Variants in AK8 observed in about 807,000 individuals in gnomAD.
The protein encoded by AK8 is adenylate kinase 8.
AK8 carries 44 observed loss-of-function variants against 54.6 expected under a neutral mutation model. That is an observed-to-expected ratio of 0.81 (90% CI 0.63 to 1.04). The LOEUF is 1.04. Ranked by LOEUF, AK8 falls within the 50% of genes least tolerant of loss-of-function variation. AK8 has a pLI of 0.00. For synonymous variants in AK8, 239 were observed against 245.6 expected, an observed-to-expected ratio of 0.97 and a Z score of 0.25; for missense variants, 555 against 613.6, an observed-to-expected ratio of 0.90 and a Z score of 1.01.
At chr9:132,869,968 C>T (rs1843746482) in intron 2 of AK8, among the ~76,000 whole-genome samples, 2 of 152,042 alleles carry the variant, frequency 1.3e-5, no homozygotes, top group Non-Finnish European at 2.9e-5. Context: ...CTCTCCAGGG[C>T]TCTGACCACA....
chr9:132,812,487 C>T (rs1841065160), intron 10 of AK8, among the ~76,000 whole-genome samples: 1 of 6,062 alleles, frequency 1.6e-4, no homozygotes, highest in Non-Finnish European at 3.6e-4. Context: ...CATCCACCCG[C>T]CTCGGCCTTC....
chr9:132,774,739 G>T (rs183868031), intron 11 of AK8, among the ~76,000 whole-genome samples: 2 of 152,128 alleles, frequency 1.3e-5, no homozygotes, highest in Admixed American at 6.5e-5. Flanking sequence ...CAACTACCCC[G>T]GGCTCTGTTC....
At chr9:132,745,770 C>T (rs908552063) in intron 11 of AK8, among the ~76,000 whole-genome samples, 1 of 152,126 alleles carries the variant, frequency 6.6e-6, no homozygotes, top group Non-Finnish European at 1.5e-5. Context: ...GAGACAATCC[C>T]CAAGCTAAGG....
chr9:132,746,998 C>G (rs1412471462), intron 11 of AK8, among the ~76,000 whole-genome samples: 2 of 152,208 alleles, frequency 1.3e-5, no homozygotes, highest in Non-Finnish European at 2.9e-5. Flanking sequence ...ACAGTTGTTA[C>G]TTTATATCAT....
At chr9:132,817,384 GAA>G (rs1300564661) in intron 9 of AK8, among the ~76,000 whole-genome samples, 1 of 152,210 alleles carries the variant, frequency 6.6e-6, no homozygotes, top group Non-Finnish European at 1.5e-5. Context: ...TATGAGGAGA[GAA>G]AACAGGCCAG....
At chr9:132,777,242 T>C (rs949532488) in intron 11 of AK8, among the ~76,000 whole-genome samples, 1 of 152,134 alleles carries the variant, frequency 6.6e-6, no homozygotes, top group Non-Finnish European at 1.5e-5. Flanking sequence ...CCTCAAAATA[T>C]TAGGAATAAA....
chr9:132,779,075 A>G (rs7019036), intron 11 of AK8, among the ~76,000 whole-genome samples: 2,924 of 149,586 alleles, frequency 0.02, 89 homozygotes, highest in African/African-American at 0.071. Flanking sequence ...ATAGATAAGG[A>G]AAGCAAGCAG....
At chr9:132,740,128 C>T (rs568762129) in intron 11 of AK8, among the ~76,000 whole-genome samples, 11 of 152,336 alleles carry the variant, frequency 7.2e-5, no homozygotes, top group South Asian at 2.1e-4. Flanking sequence ...AGTTCTAGCA[C>T]GCCCCTGCCA....
intron 9 of AK8, among the ~76,000 whole-genome samples, chr9:132,817,051 G>A (rs1841365226): frequency 6.6e-6 from 1 of 152,204 alleles, no homozygotes; most frequent in Non-Finnish European, 1.5e-5. Flanking sequence ...TGAACTGAAT[G>A]GAAATTCACA....
intron 10 of AK8, among the ~76,000 whole-genome samples, chr9:132,806,444 C>A (rs1840728586): frequency 2.0e-5 from 3 of 152,222 alleles, no homozygotes; most frequent in Admixed American, 1.3e-4. Context: ...CATGCGCTGT[C>A]TTCAGCGAGT....
chr9:132,840,821 A>T (rs1374568533), intron 5 of AK8, among the ~76,000 whole-genome samples: 1 of 152,166 alleles, frequency 6.6e-6, no homozygotes, highest in African/African-American at 2.4e-5. Flanking sequence ...TGAACCCAGG[A>T]GGCGGAGGTT....
rs960886082 is a variant in AK8, at chr9:132,860,719, G to C, written c.333+2946C>G. Among the ~76,000 whole-genome samples the C allele has an allele frequency of 2.0e-5, 3 of 152,234 alleles. No homozygotes were observed. Among genetic ancestry groups the C allele is most frequent in the African/African-American group, 7.2e-5 (3 of 41,458 alleles). ...GTGGCTATAGGGATGACTTAGTTCA[G>C]CTTCCTGGACTATTGGAAGAGAGAG... is the stretch of plus-strand genomic sequence containing the variant. On this transcript the variant is annotated intron_variant, in intron 4 of 12. Transcript: ENST00000298545. This position sits in a 1 kb window ranked among gnomAD's most constrained non-coding sequence, Gnocchi z 4.4.
intron 11 of AK8, among the ~76,000 whole-genome samples, chr9:132,764,862 G>A (rs1281350257): frequency 6.6e-6 from 1 of 151,398 alleles, no homozygotes; most frequent in East Asian, 1.9e-4. Context: ...CATTCTATGA[G>A]GCCAGCATTA....
intron 11 of AK8, among the ~76,000 whole-genome samples, chr9:132,767,267 T>C (rs1452919120): frequency 6.6e-6 from 1 of 152,044 alleles, no homozygotes; most frequent in African/African-American, 2.4e-5. Context: ...AGGAACTCAA[T>C]AGCAAAGCCA....
intron 11 of AK8, among the ~76,000 whole-genome samples, chr9:132,743,864 C>G (rs1837511839): frequency 6.6e-6 from 1 of 152,206 alleles, no homozygotes; most frequent in Admixed American, 6.5e-5. Context: ...TGCCTCCAGG[C>G]TGGACTCCAG....
Position 132,823,202 on chromosome 9 carries a change from C to T in AK8, c.889+3G>A, listed in dbSNP as rs752094158. The T allele has an allele frequency of 1.3e-6, 2 of 1,564,592 alleles. No homozygotes were observed. The highest frequency in any genetic ancestry group is 1.7e-6 in the Non-Finnish European group (2 of 1,157,556). On this transcript the variant is annotated splice_donor_region_variant and intron_variant, in intron 9 of 12. Transcript: ENST00000298545. ...TGGGCAGCCCAGCACCTGGGGCACTCACCATTGACAAGCCTGTATTTCTGG... is the reference window on the plus strand; with the variant it reads ...TGGGCAGCCCAGCACCTGGGGCACTTACCATTGACAAGCCTGTATTTCTGG...
At chr9:132,806,062 A>AATAAGAGT (rs1840709615) in intron 10 of AK8, among the ~76,000 whole-genome samples, 1 of 151,586 alleles carries the variant, frequency 6.6e-6, no homozygotes, top group Non-Finnish European at 1.5e-5. Context: ...ATCCACATAG[A>AATAAGAGT]ATAAGAGTAA....
rs966983464 is a variant in AK8 at position 132,791,889 on chromosome 9, A to G, written c.1121+745T>C. Among the ~76,000 whole-genome samples, 1 of 152,230 alleles carries G rather than the reference A, an allele frequency of 6.6e-6. No individual in the cohort carries two copies. Among genetic ancestry groups the G allele is most frequent in the Non-Finnish European group, 1.5e-5 (1 of 68,046 alleles). On this transcript the variant is annotated intron_variant, in intron 11 of 12. Coordinates refer to ENST00000298545, the MANE Select transcript of AK8 (RefSeq NM_152572.3). This position sits in a 1 kb window ranked among gnomAD's most constrained non-coding sequence, Gnocchi z 4.0. ...TATGACCAACCAGAGAAAGCCAAATATGTTCCCTTAACCAGTCACACAGGA... is the reference window on the plus strand; with the variant it reads ...TATGACCAACCAGAGAAAGCCAAATGTGTTCCCTTAACCAGTCACACAGGA...
At chr9:132,773,996 G>C (rs1034392184) in intron 11 of AK8, among the ~76,000 whole-genome samples, 1 of 152,164 alleles carries the variant, frequency 6.6e-6, no homozygotes, top group Non-Finnish European at 1.5e-5. Flanking sequence ...GTGGTAGATA[G>C]GAAAGAGAGG....
Sources: allele counts gnomAD v4.1 joint callset (sites outside exome capture counted in the v4.1 genomes callset), GRCh38; gene constraint gnomAD v4.1.1; non-coding constraint Gnocchi (gnomAD v3.1); transcripts MANE v1.5; gene names NCBI Gene and HGNC (gene_info 2026-07-23, HGNC 2026-07-21).